Variants in ZNF83 observed in about 807,000 individuals in gnomAD.
ZNF83 encodes zinc finger protein 83.
For synonymous variants in ZNF83, 209 were observed against 213.0 expected (o/e 0.98, Z 0.17); for missense variants, 552 against 629.9 (o/e 0.88, Z 1.32).
rs1568588849 is a variant in ZNF83 at position 52,687,597 on chromosome 19, A to AGTTATATG, written c.-283+2845_-283+2846insCATATAAC. ...TAAATTTTATATATATATATATATAATGTATATATATATAATGTGTATATA... is the reference window on the plus strand; with the variant it reads ...TAAATTTTATATATATATATATATAAGTTATATGTGTATATATATATAATGTGTATATA... On this transcript the variant is annotated intron_variant, in intron 1 of 5. Transcript: ENST00000594682. Among the ~76,000 whole-genome samples, 45 of 14,964 alleles carry AGTTATATG rather than the reference A, an allele frequency of 3.0e-3. 14 individuals carry two copies. Among genetic ancestry groups the AGTTATATG allele is most frequent in the African/African-American group, 0.013 (21 of 1,556 alleles). 9.8% of individuals were successfully genotyped at this position (14,964 alleles called of 152,430 possible). A position where few individuals can be genotyped will look rare whatever the true frequency, so the allele number is the denominator to read the frequency against.
rs1463948344 is a variant in ZNF83 at position 52,613,277 on chromosome 19, T to A, written c.1288A>T (p.Lys430Ter). 1 of 1,614,120 alleles carries A rather than the reference T, an allele frequency of 6.2e-7. No individual in the cohort carries two copies. The highest frequency in any genetic ancestry group is 1.7e-5 in the Admixed American group (1 of 60,016). ...AAGACCTTCCCACATTCATTACATT[T>A]ATAAGCTTTTTCTCCAGTATGAATT... Residue 430 changes from lysine (K) to a stop codon, truncating the protein, a stop_gained, in exon 3 of 3, where the codon AAA (lysine) becomes TAA (stop). Coordinates refer to ENST00000301096, the Ensembl canonical transcript of ZNF83. LOFTEE classifies it low-confidence loss of function (END_TRUNC).
At chr19:52,656,269 C>T (rs1339456790) in intron 2 of ZNF83, among the ~76,000 whole-genome samples, 1 of 151,876 alleles carries the variant, frequency 6.6e-6, no homozygotes, top group East Asian at 1.9e-4. Context: ...CACCTATAAT[C>T]CTGTCACTTT....
chr19:52,666,070 G>A (rs992468422), intron 1 of ZNF83, among the ~76,000 whole-genome samples: 5 of 151,640 alleles, frequency 3.3e-5, no homozygotes, highest in African/African-American at 7.3e-5. Context: ...AGGGTGAGGT[G>A]GGAGAATGGT....
intron 2 of ZNF83, chr19:52,617,378 A>C (rs1467894014): frequency 1.3e-5 from 2 of 152,214 alleles, no homozygotes; most frequent in Non-Finnish European, 2.9e-5. Context: ...TGAGAGTAGC[A>C]TGGGGACTGA....
chr19:52,685,353 T>A (rs1340250783), intron 1 of ZNF83, among the ~76,000 whole-genome samples: 1 of 152,142 alleles, frequency 6.6e-6, no homozygotes, highest in African/African-American at 2.4e-5. Flanking sequence ...CTGGAAGGGC[T>A]AACGGGAAGG....
chr19:52,613,194 G>A (rs2060163700), exon 3 of ZNF83: 1 of 1,613,986 alleles, frequency 6.2e-7, no homozygotes, highest in Admixed American at 1.7e-5. Flanking sequence ...CATTACATTT[G>A]AAAGGTTTCT....
intron 1 of ZNF83, among the ~76,000 whole-genome samples, chr19:52,670,858 T>C (rs1397147999): frequency 6.6e-6 from 1 of 152,210 alleles, no homozygotes; most frequent in East Asian, 1.9e-4. Flanking sequence ...TGGTTGAGTT[T>C]GTCTAAATAC....
chr19:52,649,003 GT>G (rs2061409481), intron 3 of ZNF83, among the ~76,000 whole-genome samples: 1 of 152,144 alleles, frequency 6.6e-6, no homozygotes, highest in Non-Finnish European at 1.5e-5. Context: ...TCCAGCGACA[GT>G]TTTCATGCCC....
intron 3 of ZNF83, chr19:52,650,691 A>G (rs1009094925): frequency 2.6e-5 from 4 of 152,238 alleles, no homozygotes; most frequent in East Asian, 1.9e-4. Context: ...CCAAAGTCTC[A>G]GAAAAAACAG....
intron 3 of ZNF83, chr19:52,652,055 A>C (rs1251662700): frequency 4.2e-6 from 1 of 237,864 alleles, no homozygotes; most frequent in Non-Finnish European, 8.5e-6. Flanking sequence ...GAGTGACCTC[A>C]GACTAAAGAC....
At chr19:52,613,488 G>A (rs1386751653) in exon 3 of ZNF83, 2 of 1,613,952 alleles carry the variant, frequency 1.2e-6, no homozygotes, top group Non-Finnish European at 1.7e-6. Context: ...GTTGGGCAAG[G>A]TATGAATTGC....
intron 1 of ZNF83, among the ~76,000 whole-genome samples, chr19:52,669,304 A>G (rs1364432774): frequency 1.3e-5 from 2 of 152,210 alleles, no homozygotes; most frequent in East Asian, 1.9e-4. Context: ...CATGGGGAAG[A>G]CTAGATCAAT....
exon 3 of ZNF83, chr19:52,613,289 C>T: frequency 1.9e-6 from 3 of 1,614,072 alleles, no homozygotes; most frequent in Non-Finnish European, 2.5e-6. Context: ...TAAGCTTTTT[C>T]TCCAGTATGA....
chr19:52,660,076 A>T (rs1405625779), intron 2 of ZNF83, among the ~76,000 whole-genome samples: 1 of 152,118 alleles, frequency 6.6e-6, no homozygotes, highest in Non-Finnish European at 1.5e-5. Context: ...CTGTAATCCC[A>T]GCTACTCAGG....
chr19:52,639,536 G>C (rs760398103), upstream of ZNF83, among the ~76,000 whole-genome samples: 2 of 143,278 alleles, frequency 1.4e-5, no homozygotes, highest in Non-Finnish European at 3.0e-5. Flanking sequence ...TCCTGTCTCA[G>C]CCTCCGGAGT....
chr19:52,675,013 G>A (rs114147968), intron 1 of ZNF83, among the ~76,000 whole-genome samples: 135 of 152,208 alleles, frequency 8.9e-4, no homozygotes, highest in African/African-American at 3.2e-3. Flanking sequence ...GAGCCACCAC[G>A]GCCAGCTACT....
At chr19:52,632,167 G>T (rs1406395887) in intron 2 of ZNF83, among the ~76,000 whole-genome samples, 2 of 152,152 alleles carry the variant, frequency 1.3e-5, no homozygotes, top group African/African-American at 4.8e-5. Flanking sequence ...CCTCTATACA[G>T]TCTGACAGCA....
At chr19:52,680,534 A>G (rs550148800) in intron 1 of ZNF83, among the ~76,000 whole-genome samples, 1 of 152,134 alleles carries the variant, frequency 6.6e-6, no homozygotes, top group African/African-American at 2.4e-5. Context: ...CTGTGTTCTG[A>G]CAAACCCACG....
At chr19:52,676,608 C>G (rs1209815851) in intron 1 of ZNF83, among the ~76,000 whole-genome samples, 2 of 150,610 alleles carry the variant, frequency 1.3e-5, no homozygotes, top group South Asian at 2.1e-4. Flanking sequence ...GCCTGGCCAC[C>G]ACCCCGTCTG....
Sources: gnomAD v4.1 joint callset for allele counts (sites outside exome capture counted in the v4.1 genomes callset) on GRCh38, gnomAD v4.1.1 for gene constraint, MANE v1.5 for transcripts, NCBI Gene and HGNC (gene_info 2026-07-23, HGNC 2026-07-21) for gene names.